CPXM2: variants seen among roughly 807,000 people sequenced by gnomAD.
CPXM2 encodes carboxypeptidase X, M14 family member 2, also known as inactive carboxypeptidase-like protein X2.
CPXM2 carries 66 observed loss-of-function variants against 86.1 expected under a neutral mutation model. That is an observed-to-expected ratio of 0.77 (90% CI 0.63 to 0.94). The LOEUF (loss-of-function observed/expected upper bound fraction) is 0.94. Ranked by LOEUF, CPXM2 falls within the 40% of genes least tolerant of loss-of-function variation. The pLI is 0.00. For synonymous variants in CPXM2, 388 were observed against 400.2 expected (o/e 0.97, Z 0.36); for missense variants, 948 against 1,026.3 (o/e 0.92, Z 1.04).
At position 123,758,977 on chromosome 10, in the gene CPXM2, C is replaced by T. The variant is rs575808532; in HGVS notation, c.1778-1625G>A. ...GCTGCCTGGTCACTGAAGGCAGAGG[C>T]AAAATGGCATTAAGTATACAGCCAC... On this transcript the variant is annotated intron_variant, in intron 11 of 13. Coordinates refer to ENST00000241305, the MANE Select transcript of CPXM2 (RefSeq NM_198148.3). Among the ~76,000 whole-genome samples, 18 of 152,258 alleles carry T rather than the reference C, an allele frequency of 1.2e-4. No homozygotes were observed. The East Asian group carries it at 3.5e-3, about 29-fold the overall frequency.
intron 6 of CPXM2, among the ~76,000 whole-genome samples, chr10:123,788,204 C>T (rs1847113864): frequency 6.6e-6 from 1 of 151,150 alleles, no homozygotes; most frequent in Non-Finnish European, 1.5e-5. Context: ...CACTTGAACC[C>T]CAGAGGCAGA....
upstream of CPXM2, among the ~76,000 whole-genome samples, chr10:123,943,011 T>C (rs908999668): frequency 2.6e-5 from 4 of 152,212 alleles, no homozygotes; most frequent in African/African-American, 9.6e-5. Context: ...TACAGCTGTG[T>C]AACCTAGGAG....
At chr10:123,862,316 T>C (rs1029973927) in intron 3 of CPXM2, among the ~76,000 whole-genome samples, 1 of 152,148 alleles carries the variant, frequency 6.6e-6, no homozygotes, top group African/African-American at 2.4e-5. Context: ...CACCTTCTCC[T>C]CCTGTCCTTT....
chr10:123,807,385 TATG>T (rs1847603609), intron 4 of CPXM2, among the ~76,000 whole-genome samples: 1 of 152,208 alleles, frequency 6.6e-6, no homozygotes, highest in South Asian at 2.1e-4. Flanking sequence ...TGCCCATCTG[TATG>T]ATGTTGTGGG....
At chr10:123,772,292 T>A (rs1285556266) in intron 7 of CPXM2, among the ~76,000 whole-genome samples, 1 of 151,770 alleles carries the variant, frequency 6.6e-6, no homozygotes, top group African/African-American at 2.4e-5. Flanking sequence ...GGTTCTCACC[T>A]CCCTGGTTGT....
rs768343059 is a variant in CPXM2, at chr10:123,914,006, C to T, written n.174+25471G>A. ...CAGGCCATTGCCAACCGCATTCCCT[C>T]CCCTGGGGTTTCAGAATCCAACCTT... On this transcript the variant is annotated intron_variant and non_coding_transcript_variant, in intron 2 of 19. Coordinates refer to the CPXM2 transcript ENST00000368854. 6 of 493,504 alleles carry T rather than the reference C, an allele frequency of 1.2e-5. No individual in the cohort carries two copies. In the East Asian group the frequency reaches 3.4e-4, roughly 28 times the overall value. The allele number at this position is 493,504 out of a possible 1,614,324, so 30.6% of individuals were successfully genotyped here. A position where few individuals can be genotyped will look rare whatever the true frequency, so the allele number is the denominator to read the frequency against.
chr10:123,825,135 C>G (rs1848018643), intron 4 of CPXM2, among the ~76,000 whole-genome samples: 1 of 152,174 alleles, frequency 6.6e-6, no homozygotes, highest in Non-Finnish European at 1.5e-5. Flanking sequence ...TCTGAATGAG[C>G]CTCATACTGT....
intron 1 of CPXM2, among the ~76,000 whole-genome samples, chr10:123,882,175 T>A (rs1171834917): frequency 1.3e-5 from 2 of 152,238 alleles, no homozygotes; most frequent in Non-Finnish European, 1.5e-5. Context: ...CCCCCCTTTT[T>A]GTTATATTCT....
chr10:123,908,938 T>C (rs1945466477), intron 2 of CPXM2, among the ~76,000 whole-genome samples: 1 of 152,092 alleles, frequency 6.6e-6, no homozygotes, highest in South Asian at 2.1e-4. Flanking sequence ...GTACCTTATA[T>C]CTTCAATTAA....
chr10:123,842,955 A>G (rs1204375479), intron 3 of CPXM2, among the ~76,000 whole-genome samples: 1 of 152,194 alleles, frequency 6.6e-6, no homozygotes, highest in Non-Finnish European at 1.5e-5. Context: ...GCATTTAAGG[A>G]CAGAATCACT....
Position 123,862,600 on chromosome 10 carries a change from A to C in CPXM2, c.513+14T>G. The C allele has an allele frequency of 6.2e-7, 1 of 1,608,742 alleles. No individual in the cohort carries two copies. The highest frequency in any genetic ancestry group is 8.5e-7 in the Non-Finnish European group (1 of 1,175,100). On this transcript the variant is annotated intron_variant, in intron 3 of 13. Coordinates refer to ENST00000241305, the MANE Select transcript of CPXM2 (RefSeq NM_198148.3). ...CAAGGCAGTCAAAATCCTTCCAACC[A>C]CAGGGCCAGGTACCTGGATGTTGAG...
chr10:123,806,834 G>GT (rs1847589381), intron 4 of CPXM2, among the ~76,000 whole-genome samples: 1 of 152,016 alleles, frequency 6.6e-6, no homozygotes, highest in Non-Finnish European at 1.5e-5. Context: ...GGGGGAAACT[G>GT]CCCCCATGAT....
intron 2 of CPXM2, among the ~76,000 whole-genome samples, chr10:123,902,715 C>A (rs1015500735): frequency 3.3e-5 from 5 of 152,186 alleles, no homozygotes; most frequent in Non-Finnish European, 5.9e-5. Flanking sequence ...ACTTAATCAC[C>A]TCCCCCAAAG....
At chr10:123,904,530 G>A (rs1195336581) in intron 2 of CPXM2, among the ~76,000 whole-genome samples, 2 of 152,088 alleles carry the variant, frequency 1.3e-5, no homozygotes, top group African/African-American at 2.4e-5. Context: ...CGACGTCAGG[G>A]GGCCAAATTA....
chr10:123,851,636 G>T lies in CPXM2; in HGVS notation c.514-9148C>A, dbSNP rs572657142. ...TACAAAAAATTAGCCGGGCATGGTGGCACGCACCTGTAATCCCAGCTCCTC... is the reference window on the plus strand; with the variant it reads ...TACAAAAAATTAGCCGGGCATGGTGTCACGCACCTGTAATCCCAGCTCCTC... On this transcript the variant is annotated intron_variant, in intron 3 of 13. Coordinates refer to ENST00000241305, the MANE Select transcript of CPXM2 (RefSeq NM_198148.3). Among the ~76,000 whole-genome samples the T allele has an allele frequency of 3.4e-4, 51 of 152,222 alleles. 2 individuals carry two copies. In the South Asian group the frequency reaches 1.0e-2, roughly 30 times the overall value.
At chr10:123,903,188 T>C (rs957440261) in intron 2 of CPXM2, among the ~76,000 whole-genome samples, 2 of 152,180 alleles carry the variant, frequency 1.3e-5, no homozygotes, top group African/African-American at 4.8e-5. Flanking sequence ...CAGAGGACCT[T>C]GTCCTGGCCA....
chr10:123,928,723 T>C (rs986546932), intron 2 of CPXM2, among the ~76,000 whole-genome samples: 4 of 152,196 alleles, frequency 2.6e-5, no homozygotes, highest in Admixed American at 1.3e-4. Flanking sequence ...ATAGCCAGCA[T>C]CAAATGTTCA....
chr10:123,917,311 A>G (rs987950794), intron 2 of CPXM2, among the ~76,000 whole-genome samples: 5 of 152,260 alleles, frequency 3.3e-5, no homozygotes, highest in African/African-American at 4.8e-5. Flanking sequence ...AATGACTAAC[A>G]TCTTTAATGT....
chr10:123,910,163 A>G (rs1276189493), intron 2 of CPXM2, among the ~76,000 whole-genome samples: 3 of 152,018 alleles, frequency 2.0e-5, no homozygotes, highest in African/African-American at 7.2e-5. Flanking sequence ...CCACCTGCAC[A>G]TTCGCGCCCC....
Sources: allele counts gnomAD v4.1 joint callset (sites outside exome capture counted in the v4.1 genomes callset), GRCh38; gene constraint gnomAD v4.1.1; transcripts MANE v1.5; gene names NCBI Gene and HGNC (gene_info 2026-07-23, HGNC 2026-07-21).